Variants in WDHD1 observed in about 807,000 individuals in gnomAD.
WDHD1 encodes WD repeat and HMG-box DNA binding protein 1.
WDHD1 carries 111 observed loss-of-function variants against 135.4 expected under a neutral mutation model. That is an observed-to-expected ratio of 0.82 (90% CI 0.70 to 0.96). The LOEUF is 0.96. Among genes scored for constraint, WDHD1 ranks in the 40% least tolerant of loss-of-function variants. WDHD1 has a pLI of 0.00. For synonymous variants in WDHD1, 434 were observed against 439.0 expected, an observed-to-expected ratio of 0.99 and a Z score of 0.14; for missense variants, 1,351 against 1,336.3, an observed-to-expected ratio of 1.01 and a Z score of -0.17.
At chr14:55,022,710 A>T (rs541156045) in intron 2 of WDHD1, among the ~76,000 whole-genome samples, 1 of 151,378 alleles carries the variant, frequency 6.6e-6, no homozygotes, top group East Asian at 1.9e-4. Flanking sequence ...CAAACAAAAA[A>T]CCTGTTCAGG....
At chr14:54,971,212 G>T (rs150462419) in intron 16 of WDHD1, among the ~76,000 whole-genome samples, 1 of 152,144 alleles carries the variant, frequency 6.6e-6, no homozygotes, top group African/African-American at 2.4e-5. Flanking sequence ...AAAAGCAATT[G>T]CAACAAAAAC....
At chr14:54,960,798 G>A (rs1277330833) in intron 21 of WDHD1, among the ~76,000 whole-genome samples, 1 of 149,618 alleles carries the variant, frequency 6.7e-6, no homozygotes, top group Non-Finnish European at 1.5e-5. Context: ...GAGCCACCAC[G>A]CCTGGCCTAT....
At position 55,000,633 on chromosome 14, in the gene WDHD1, T is replaced by C; in HGVS notation, c.812A>G (p.Glu271Gly). 1.3e-6 allele frequency: 2 copies of C among 1,568,628 alleles called. No homozygotes were observed. The highest frequency in any genetic ancestry group is 1.7e-6 in the Non-Finnish European group (2 of 1,157,228). ...TKDCMERVKHEKGYAICGLAW... is the reference protein window; with the variant it reads ...TKDCMERVKHGKGYAICGLAW... ...CAGACCACAAATTGCATAACCTTTC[T>C]CATGTTTCACCCTAAAAATTAAAAA... The change falls in exon 10 of 26, where the codon GAG becomes GGG. Residue 271 changes from glutamate to glycine, a missense_variant. Transcript: ENST00000360586.
At chr14:54,988,243 C>T (rs1023498297) in intron 13 of WDHD1, among the ~76,000 whole-genome samples, 7 of 151,158 alleles carry the variant, frequency 4.6e-5, no homozygotes, top group Admixed American at 1.3e-4. Context: ...TTTTTTTTTC[C>T]TTTCTCGAAG....
chr14:55,013,860 C>T lies in WDHD1; in HGVS notation c.78-264G>A, dbSNP rs145870677. Among the ~76,000 whole-genome samples, 833 of 151,946 alleles carry T rather than the reference C, an allele frequency of 5.5e-3. 10 individuals carry two copies. The highest frequency in any genetic ancestry group is 0.019 in the African/African-American group (773 of 41,452). ...GGTCAAGGCTGCAAGTGAACCATGA[C>T]GGCACCACTGCACTCCAGCCTGGGC... is the stretch of plus-strand genomic sequence containing the variant. On this transcript the variant is annotated intron_variant, in intron 2 of 25. Transcript: ENST00000360586.
intron 24 of WDHD1, among the ~76,000 whole-genome samples, chr14:54,950,538 G>A (rs903790269): frequency 2.7e-4 from 41 of 152,028 alleles, no homozygotes; most frequent in East Asian, 1.7e-3. Context: ...AGACTCCCAC[G>A]CAATAATAAT....
rs769268369 is a variant in WDHD1 at position 55,000,938 on chromosome 14, T to C, written c.748A>G (p.Ile250Val). The change falls in exon 9 of 26, where the codon ATT becomes GTT. Residue 250 changes from isoleucine to valine, a missense_variant. Ile to Val is a conservative substitution (Grantham distance 29). Transcript: ENST00000360586. ...PCGQYLAAGS[I>V]NGLIIVWNVE... is the part of the protein sequence containing the mutation. ...TTCCAAACTATGATTAGACCATTAA[T>C]ACTACCTGCAGCTAAATATTGCCCA... 1.9e-6 allele frequency: 3 copies of C among 1,596,430 alleles called. No homozygotes were observed. The highest frequency in any genetic ancestry group is 2.7e-5 in the African/African-American group (2 of 74,110).
At chr14:54,954,200 C>T (rs1009097906) in intron 24 of WDHD1, among the ~76,000 whole-genome samples, 5 of 151,820 alleles carry the variant, frequency 3.3e-5, no homozygotes, top group African/African-American at 7.3e-5. Context: ...GCAGGAGAAT[C>T]GCTTGAACCT....
rs780376690 is a variant in WDHD1 at position 54,944,616 on chromosome 14, C to CTT, written c.3051-148_3051-147dup. Reference sequence around the variant, plus strand: ...CAGTTACACTTGTTAATTCATGTTACTTTTTTTTTTTTTTTTTTTTTGAGA... The same window carrying CTT: ...CAGTTACACTTGTTAATTCATGTTACTTTTTTTTTTTTTTTTTTTTTTTGAGA... On this transcript the variant is annotated intron_variant, in intron 24 of 25. Coordinates refer to ENST00000360586, the MANE Select transcript of WDHD1 (RefSeq NM_007086.4). The CTT allele has an allele frequency of 7.9e-3, 2,128 of 268,322 alleles. 1 individual carries two copies. The highest frequency in any genetic ancestry group is 0.013 in the South Asian group (217 of 16,324). 16.6% of individuals were successfully genotyped at this position (268,322 alleles called of 1,614,324 possible). A position where few individuals can be genotyped will look rare whatever the true frequency, so the allele number is the denominator to read the frequency against.
rs1455526151 is a variant in WDHD1, at chr14:55,007,335, T to A, written c.545A>T (p.Asp182Val). The A allele has an allele frequency of 6.2e-7, 1 of 1,606,996 alleles. No homozygotes were observed. Among genetic ancestry groups the A allele is most frequent in the East Asian group, 2.2e-5 (1 of 44,740 alleles). The change falls in exon 7 of 26, where the codon GAT (aspartate) becomes GTT (valine). Residue 182 changes from aspartate to valine, a missense_variant. Asp to Val is a radical substitution (Grantham distance 152). Coordinates refer to ENST00000360586, the MANE Select transcript of WDHD1 (RefSeq NM_007086.4). ...ISWPLLQKCN[D>V]VINAKSICRL... ...GCAGATTGATTTTGCATTTATCACA[T>A]CGTTGCATTTTTGTAGCAGTGGCCA...
intron 10 of WDHD1, among the ~76,000 whole-genome samples, chr14:54,998,260 G>C (rs999306618): frequency 6.6e-6 from 1 of 151,886 alleles, no homozygotes; most frequent in Non-Finnish European, 1.5e-5. Flanking sequence ...TGATGAAGGC[G>C]ATAAAATGTT....
At chr14:54,965,998 G>A (rs1265525147) in intron 18 of WDHD1, among the ~76,000 whole-genome samples, 1 of 150,338 alleles carries the variant, frequency 6.7e-6, no homozygotes, top group Non-Finnish European at 1.5e-5. Flanking sequence ...AGACCAACTA[G>A]AAGATAGAAC....
intron 16 of WDHD1, among the ~76,000 whole-genome samples, chr14:54,980,926 C>T (rs1466147316): frequency 6.6e-6 from 1 of 151,230 alleles, no homozygotes; most frequent in Non-Finnish European, 1.5e-5. Context: ...CTGGCTAACA[C>T]GGTGAAACCC....
chr14:55,002,614 T>TC lies in WDHD1; in HGVS notation c.601-430_601-429insG, dbSNP rs1180812516. ...CTAGTACTTTAAATATGATTACTTT[T>TC]TTTTCCCCCAAGAGACAGTCTTGCT... is the stretch of plus-strand genomic sequence containing the variant. On this transcript the variant is annotated intron_variant, in intron 7 of 25. Transcript: ENST00000360586. Among the ~76,000 whole-genome samples, 13 of 145,858 alleles carry TC rather than the reference T, an allele frequency of 8.9e-5. No homozygotes were observed. The East Asian group carries it at 2.6e-3, about 29-fold the overall frequency.
intron 15 of WDHD1, among the ~76,000 whole-genome samples, 193 bp downstream of exon 15, chr14:54,984,530 T>A (rs980391580): frequency 2.0e-5 from 3 of 152,064 alleles, no homozygotes; most frequent in African/African-American, 7.2e-5. Flanking sequence ...ATCTTATACA[T>A]AAAACAATGG....
intron 4 of WDHD1, 71 bp from the exon 5 acceptor site, chr14:55,008,790 A>C: frequency 1.7e-6 from 2 of 1,150,996 alleles, no homozygotes; most frequent in Admixed American, 4.8e-5. Flanking sequence ...CTATGATCCA[A>C]ATATTTCTTT....
rs1476181672 is a variant in WDHD1 at position 54,941,690 on chromosome 14, C to A, written c.3190G>T (p.Val1064Leu). 1 of 1,602,948 alleles carries A rather than the reference C, an allele frequency of 6.2e-7. No homozygotes were observed. The highest frequency in any genetic ancestry group is 2.2e-5 in the East Asian group (1 of 44,750). ...FRVLSTEERK[V>L]WANKAKGETA... is the part of the protein sequence containing the mutation. The stretch of plus-strand genomic sequence containing the variant: ...TCTCCTTTGGCTTTGTTAGCCCACA[C>A]CTTTGTAAAATGGCAGGAGTGAAAA... Residue 1064 changes from valine (V) to leucine (L), a missense_variant and splice_region_variant, in exon 26 of 26, where the codon GTG becomes TTG. Coordinates refer to ENST00000360586, the MANE Select transcript of WDHD1 (RefSeq NM_007086.4).
At chr14:54,951,985 T>G (rs367965489) in intron 24 of WDHD1, among the ~76,000 whole-genome samples, 1 of 152,166 alleles carries the variant, frequency 6.6e-6, no homozygotes, top group African/African-American at 2.4e-5. Flanking sequence ...ATTGATGGGA[T>G]GTATCTCAAA....
chr14:55,020,419 C>A (rs2042326550), intron 2 of WDHD1, among the ~76,000 whole-genome samples: 1 of 152,184 alleles, frequency 6.6e-6, no homozygotes, highest in African/African-American at 2.4e-5. Context: ...CATTTGGCTT[C>A]TAAACATCCT....
Sources: gnomAD v4.1 joint callset for allele counts (sites outside exome capture counted in the v4.1 genomes callset) on GRCh38, gnomAD v4.1.1 for gene constraint, MANE v1.5 for transcripts, NCBI Gene and HGNC (gene_info 2026-07-23, HGNC 2026-07-21) for gene names.